PDSS2: variants seen among roughly 807,000 people sequenced by gnomAD.
PDSS2 encodes all trans-polyprenyl-diphosphate synthase PDSS2.
In PDSS2, 31 loss-of-function variants were observed where a neutral mutation model predicts 44.5. That is an observed-to-expected ratio of 0.70 (90% CI 0.52 to 0.94). The LOEUF is 0.94. Among genes scored for constraint, PDSS2 ranks in the 40% least tolerant of loss-of-function variants. The pLI, the probability that PDSS2 is intolerant of heterozygous loss-of-function variation, is 0.00. For missense variants in PDSS2, 452 were observed against 482.2 expected (o/e 0.94, Z 0.59); for synonymous variants, 157 against 180.3 (o/e 0.87, Z 1.03).
chr6:107,220,701 T>C (rs1463389329), intron 4 of PDSS2, among the ~76,000 whole-genome samples: 5 of 152,114 alleles, frequency 3.3e-5, no homozygotes, highest in East Asian at 3.9e-4. Context: ...GGAAAAAAAA[T>C]AGAAAATTCA....
intron 4 of PDSS2, among the ~76,000 whole-genome samples, chr6:107,242,290 G>T (rs1774461550): frequency 6.6e-6 from 1 of 152,066 alleles, no homozygotes; most frequent in South Asian, 2.1e-4. Flanking sequence ...TTGAGACGGA[G>T]TCTTGCTCTG....
At chr6:107,435,126 T>C (rs1401918807) in intron 1 of PDSS2, among the ~76,000 whole-genome samples, 1 of 151,880 alleles carries the variant, frequency 6.6e-6, no homozygotes, top group Non-Finnish European at 1.5e-5. Context: ...AAAAAATTAA[T>C]CTATTAGCCC....
intron 1 of PDSS2, among the ~76,000 whole-genome samples, chr6:107,341,853 T>C (rs2115288977): frequency 6.6e-6 from 1 of 152,244 alleles, no homozygotes; most frequent in Non-Finnish European, 1.5e-5. Context: ...TATAATATAC[T>C]ATAATGCCAG....
chr6:107,173,153 G>C (rs1369011544), intron 7 of PDSS2, among the ~76,000 whole-genome samples: 1 of 151,220 alleles, frequency 6.6e-6, no homozygotes, highest in Non-Finnish European at 1.5e-5. Context: ...GAGTAACTTT[G>C]GATTTTTGAA....
intron 7 of PDSS2, 119 bp from the exon 8 acceptor site, chr6:107,154,896 T>C: frequency 1.1e-6 from 1 of 883,678 alleles, no homozygotes; most frequent in South Asian, 1.4e-5. Context: ...AGATTGAGTA[T>C]TTCTGCTACG....
At chr6:107,422,086 T>TAA (rs76344239) in intron 1 of PDSS2, among the ~76,000 whole-genome samples, 5 of 109,170 alleles carry the variant, frequency 4.6e-5, no homozygotes, top group East Asian at 2.4e-4. Flanking sequence ...ATTTTAAAAG[T>TAA]AAAAAAAAAA....
rs7738593 is a variant in PDSS2 at position 107,447,209 on chromosome 6, G to A, written c.296+11781C>T. On this transcript the variant is annotated intron_variant, in intron 1 of 7. Coordinates refer to ENST00000369037, the MANE Select transcript of PDSS2 (RefSeq NM_020381.4). ...AAATTAGCCAGGCATGGTGGTGGGC[G>A]CCTGTAGTCCCAGCTACTCAGGAGG... 4.6e-3 allele frequency among the ~76,000 whole-genome samples: 703 copies of A among 152,076 alleles called. 6 individuals are homozygous for A. Among genetic ancestry groups the A allele is most frequent in the African/African-American group, 0.015 (643 of 41,490 alleles).
At chr6:107,367,111 T>C (rs1778981239) in intron 1 of PDSS2, among the ~76,000 whole-genome samples, 1 of 152,016 alleles carries the variant, frequency 6.6e-6, no homozygotes, top group African/African-American at 2.4e-5. Flanking sequence ...AATCTAGCAA[T>C]ATAAAAAGAG....
chr6:107,301,149 T>A (rs1254636091), intron 2 of PDSS2, among the ~76,000 whole-genome samples: 1 of 152,210 alleles, frequency 6.6e-6, no homozygotes, highest in African/African-American at 2.4e-5. Context: ...TTATAGTATA[T>A]AAATTGTGAT....
intron 1 of PDSS2, among the ~76,000 whole-genome samples, chr6:107,398,612 C>T (rs1419289882): frequency 6.6e-6 from 1 of 152,220 alleles, no homozygotes; most frequent in African/African-American, 2.4e-5. Context: ...AGAGATTCAA[C>T]TTGGCTTTTC....
intron 2 of PDSS2, among the ~76,000 whole-genome samples, chr6:107,293,932 C>G (rs73511132): frequency 6.6e-6 from 1 of 152,066 alleles, no homozygotes; most frequent in Non-Finnish European, 1.5e-5. Context: ...ACAGGACCAA[C>G]GCCAACTGCC....
chr6:107,166,581 G>A (rs1415466717), intron 7 of PDSS2, among the ~76,000 whole-genome samples: 2 of 152,024 alleles, frequency 1.3e-5, no homozygotes, highest in Non-Finnish European at 2.9e-5. Flanking sequence ...ATCCAGGATG[G>A]TCTCGATCTC....
chr6:107,334,507 C>T (rs1247030244), intron 1 of PDSS2, among the ~76,000 whole-genome samples, 175 bp from the exon 2 acceptor site: 2 of 146,266 alleles, frequency 1.4e-5, no homozygotes, highest in African/African-American at 5.1e-5. Flanking sequence ...CAGGAAACAA[C>T]TAGAGAAATC....
intron 1 of PDSS2, among the ~76,000 whole-genome samples, chr6:107,394,802 G>GT (rs904464420): frequency 4.6e-5 from 7 of 152,210 alleles, no homozygotes; most frequent in Non-Finnish European, 7.4e-5. Context: ...ATATTGCTGG[G>GT]TTTTTTTGTT....
intron 2 of PDSS2, among the ~76,000 whole-genome samples, chr6:107,317,941 T>A (rs1233182303): frequency 1.3e-5 from 2 of 152,086 alleles, no homozygotes; most frequent in Non-Finnish European, 2.9e-5. Context: ...AGCAATGTAT[T>A]CCCCCTCCCC....
At chr6:107,254,235 T>C (rs944502678) in intron 3 of PDSS2, among the ~76,000 whole-genome samples, 1 of 151,946 alleles carries the variant, frequency 6.6e-6, no homozygotes, top group African/African-American at 2.4e-5. Context: ...GGTTTCACCA[T>C]GTTGGTCAGG....
chr6:107,219,447 C>A (rs375772722), intron 4 of PDSS2, among the ~76,000 whole-genome samples: 13 of 152,128 alleles, frequency 8.5e-5, no homozygotes, highest in African/African-American at 3.1e-4. Context: ...ACCACTACAC[C>A]CGGCTAATTT....
At chr6:107,262,155 G>A (rs527853283) in intron 3 of PDSS2, among the ~76,000 whole-genome samples, 9 of 149,374 alleles carry the variant, frequency 6.0e-5, no homozygotes, top group East Asian at 2.1e-4. Flanking sequence ...TGATCTGCCC[G>A]CGCGGCCTCC....
At chr6:107,405,404 A>C (rs1780279787) in intron 1 of PDSS2, among the ~76,000 whole-genome samples, 1 of 152,008 alleles carries the variant, frequency 6.6e-6, no homozygotes, top group African/African-American at 2.4e-5. Flanking sequence ...TTAAATAGGA[A>C]CACAACAGAA....
Sources: gnomAD v4.1 joint callset for allele counts (sites outside exome capture counted in the v4.1 genomes callset) on GRCh38, gnomAD v4.1.1 for gene constraint, MANE v1.5 for transcripts, NCBI Gene and HGNC (gene_info 2026-07-23, HGNC 2026-07-21) for gene names.